Variants in PTPN22 observed in about 807,000 individuals in gnomAD.
The protein encoded by PTPN22 is tyrosine-protein phosphatase non-receptor type 22.
PTPN22 carries 85 observed loss-of-function variants against 103.3 expected under a neutral mutation model. The ratio of observed to expected loss-of-function variants is 0.82; its 90% CI spans 0.69 to 0.99. The LOEUF is 0.99. Among genes scored for constraint, PTPN22 ranks in the 50% least tolerant of loss-of-function variants. The pLI, the probability that PTPN22 is intolerant of heterozygous loss-of-function variation, is 0.00. For synonymous variants in PTPN22, 323 were observed against 310.2 expected (o/e 1.04, Z -0.43); for missense variants, 865 against 936.9 (o/e 0.92, Z 1.00).
At chr1:113,859,532 C>T in intron 1 of PTPN22, 72 bp from the exon 2 acceptor site, 1 of 1,237,408 alleles carries the variant, frequency 8.1e-7, no homozygotes, top group Non-Finnish European at 1.2e-6. Context: ...AAAGAGCTTT[C>T]CTTTTCCACT....
Position 113,830,092 on chromosome 1 carries a change from C to A in PTPN22, c.2054-63G>T. 8.8e-6 allele frequency: 10 copies of A among 1,137,504 alleles called. No individual in the cohort carries two copies. In the South Asian group the frequency reaches 1.4e-4, roughly 16 times the overall value. 70.5% of individuals were successfully genotyped at this position (1,137,504 alleles called of 1,614,324 possible). ...ATCAATTAAAAGTCATAAGTCAACACCCTTTTCTCTTTGTATAATTTTTTA... is the reference window on the plus strand; with the variant it reads ...ATCAATTAAAAGTCATAAGTCAACAACCTTTTCTCTTTGTATAATTTTTTA... On this transcript the variant is annotated intron_variant, in intron 16 of 20. Coordinates refer to ENST00000359785, the Ensembl canonical transcript of PTPN22.
Position 113,840,881 on chromosome 1 carries a change from A to G in PTPN22, c.916-2261T>C, listed in dbSNP as rs145905937. Among the ~76,000 whole-genome samples the G allele has an allele frequency of 4.5e-3, 685 of 152,328 alleles. 3 individuals carry two copies. Among genetic ancestry groups the G allele is most frequent in the Non-Finnish European group, 7.1e-3 (482 of 68,030 alleles). On this transcript the variant is annotated intron_variant, in intron 11 of 20. Coordinates refer to ENST00000359785, the Ensembl canonical transcript of PTPN22. Reference sequence around the variant, plus strand: ...CAAGAAAATTCAATGGAGAAAGGAGAGTGTTTTCAATAAATGATTCTGGGA... The same window carrying G: ...CAAGAAAATTCAATGGAGAAAGGAGGGTGTTTTCAATAAATGATTCTGGGA...
intron 11 of PTPN22, among the ~76,000 whole-genome samples, chr1:113,845,623 T>A (rs941765678): frequency 5.3e-5 from 8 of 152,284 alleles, no homozygotes; most frequent in Non-Finnish European, 2.9e-5. Flanking sequence ...TTAGGTAGAG[T>A]GTTCTGTAAG....
At chr1:113,815,764 C>T (rs1367702189) in intron 20 of PTPN22, among the ~76,000 whole-genome samples, 3 of 152,146 alleles carry the variant, frequency 2.0e-5, no homozygotes, top group East Asian at 3.9e-4. Context: ...CTGCAACCTC[C>T]GCCTCCCGGG....
intron 19 of PTPN22, chr1:113,823,029 C>G (rs1255066893): frequency 1.3e-5 from 2 of 152,276 alleles, no homozygotes; most frequent in Non-Finnish European, 2.9e-5. Flanking sequence ...TCATAGTTAC[C>G]CTTTTGTTTT....
chr1:113,846,971 A>AG (rs55893498), intron 11 of PTPN22, among the ~76,000 whole-genome samples: 109,382 of 141,190 alleles, frequency 0.77, 42,946 homozygotes, highest in African/African-American at 0.9. Context: ...TTCTTTCTGG[A>AG]TTTTGATGAC....
At chr1:113,838,050 A>G (rs761562061) in exon 13 of PTPN22, 1 of 1,613,858 alleles carries the variant, frequency 6.2e-7, no homozygotes, top group Admixed American at 1.7e-5. Flanking sequence ...ATTCAAAAGG[A>G]GTTGATTTGG....
At chr1:113,830,207 C>G (rs1379417622) in intron 16 of PTPN22, among the ~76,000 whole-genome samples, 178 bp from the exon 17 acceptor site, 1 of 152,044 alleles carries the variant, frequency 6.6e-6, no homozygotes, top group Non-Finnish European at 1.5e-5. Flanking sequence ...ACCTCGTTAG[C>G]CTATGAGCCT....
rs112447503 is a variant in PTPN22 at position 113,818,667 on chromosome 1, G to A, written c.2359+910C>T. On this transcript the variant is annotated intron_variant, in intron 20 of 20. Coordinates refer to ENST00000359785, the Ensembl canonical transcript of PTPN22. The stretch of plus-strand genomic sequence containing the variant: ...GAATTGTGTGTAGGCAATTTTGTCT[G>A]TCTGCCCAGCAATATTACATTTCCC... 3.5e-3 allele frequency among the ~76,000 whole-genome samples: 531 copies of A among 152,260 alleles called. 2 individuals carry two copies. Among genetic ancestry groups the A allele is most frequent in the Non-Finnish European group, 5.2e-3 (355 of 68,022 alleles).
At chr1:113,852,098 G>A in exon 10 of PTPN22, 5 of 1,603,858 alleles carry the variant, frequency 3.1e-6, no homozygotes, top group Non-Finnish European at 4.3e-6. Context: ...AAGTTCTCAG[G>A]AATTATCTAT....
At chr1:113,840,719 A>G (rs976875049) in intron 11 of PTPN22, among the ~76,000 whole-genome samples, 4 of 152,228 alleles carry the variant, frequency 2.6e-5, no homozygotes, top group Admixed American at 6.5e-5. Context: ...ACACTACCTG[A>G]TTTCAAAAAT....
intron 5 of PTPN22, 116 bp downstream of exon 5, chr1:113,857,622 A>G: frequency 1.1e-6 from 1 of 918,752 alleles, no homozygotes. Context: ...ACTGAAAACT[A>G]TGAAGATGAC....
exon 1 of PTPN22, chr1:113,871,555 C>T (rs1666586785): frequency 2.5e-6 from 4 of 1,614,054 alleles, no homozygotes; most frequent in Non-Finnish European, 3.4e-6. Context: ...CATTGGCAAA[C>T]TCCTCTTTAG....
intron 20 of PTPN22, among the ~76,000 whole-genome samples, chr1:113,817,615 A>AG (rs1661266242): frequency 6.6e-6 from 1 of 151,952 alleles, no homozygotes; most frequent in Admixed American, 6.6e-5. Flanking sequence ...TTCTAAAAAA[A>AG]AAACATTTTT....
intron 20 of PTPN22, among the ~76,000 whole-genome samples, chr1:113,817,492 C>T (rs1248522803): frequency 1.3e-5 from 2 of 152,066 alleles, no homozygotes; most frequent in Non-Finnish European, 2.9e-5. Context: ...GGCTAGAGTG[C>T]AGTGGCATGA....
chr1:113,857,839 A>G lies in PTPN22; in HGVS notation c.370-63T>C, dbSNP rs1665210874. 19 of 1,433,562 alleles carry G rather than the reference A, an allele frequency of 1.3e-5. No homozygotes were observed. The Admixed American group carries it at 3.7e-4, about 28-fold the overall frequency. 88.8% of individuals were successfully genotyped at this position (1,433,562 alleles called of 1,614,324 possible). On this transcript the variant is annotated intron_variant, in intron 4 of 20. Coordinates refer to ENST00000359785, the Ensembl canonical transcript of PTPN22. ...TATAGTTAGAAAGAGCAGTTAATAC[A>G]TGGATCCCAGACTCAGAAAGTATTA...
chr1:113,825,991 G>A (rs1349049279), intron 18 of PTPN22, among the ~76,000 whole-genome samples: 1 of 152,064 alleles, frequency 6.6e-6, no homozygotes, highest in Non-Finnish European at 1.5e-5. Flanking sequence ...GGGATTACAG[G>A]CGTGAGCCAC....
At chr1:113,854,672 C>T (rs1664893244) in intron 8 of PTPN22, 135 bp from the exon 9 acceptor site, 6 of 1,026,116 alleles carry the variant, frequency 5.8e-6, no homozygotes, top group Non-Finnish European at 8.7e-6. Context: ...CAAACCCCAC[C>T]ATTTCCCAGA....
intron 13 of PTPN22, among the ~76,000 whole-genome samples, chr1:113,836,663 T>C (rs937428248): frequency 1.2e-4 from 18 of 152,010 alleles, no homozygotes; most frequent in Admixed American, 9.8e-4. Context: ...TGTGGTGGCT[T>C]GCACCTGTAA....
Sources: allele counts gnomAD v4.1 joint callset (sites outside exome capture counted in the v4.1 genomes callset), GRCh38; gene constraint gnomAD v4.1.1; transcripts MANE v1.5; gene names NCBI Gene and HGNC (gene_info 2026-07-23, HGNC 2026-07-21).